TSPAN9: variants seen among roughly 807,000 people sequenced by gnomAD.
TSPAN9 encodes tetraspanin-9.
In TSPAN9, 16 loss-of-function variants were observed where a neutral mutation model predicts 31.0. That is an observed-to-expected ratio of 0.52 (90% confidence interval 0.35 to 0.78). The LOEUF is 0.78. Among genes scored for constraint, TSPAN9 ranks in the 30% least tolerant of loss-of-function variants. The pLI, the probability that TSPAN9 is intolerant of heterozygous loss-of-function variation, is 0.01. For synonymous variants in TSPAN9, 145 were observed against 121.6 expected, an observed-to-expected ratio of 1.19 and a Z score of -1.27; for missense variants, 272 against 312.5, an observed-to-expected ratio of 0.87 and a Z score of 0.98.
At chr12:3,171,990 C>T (rs1174420127) in intron 2 of TSPAN9, 1 of 152,222 alleles carries the variant, frequency 6.6e-6, no homozygotes, top group Non-Finnish European at 1.5e-5. Flanking sequence ...GCTTCATGGT[C>T]CCCACGGTGT....
chr12:3,258,197 T>C (rs1862384348), intron 3 of TSPAN9, among the ~76,000 whole-genome samples: 1 of 152,028 alleles, frequency 6.6e-6, no homozygotes, highest in South Asian at 2.1e-4. Context: ...GGTGCAGGGA[T>C]GGCTTTGACA....
chr12:3,088,529 C>T (rs1271826544), intron 2 of TSPAN9, among the ~76,000 whole-genome samples: 25 of 152,288 alleles, frequency 1.6e-4, no homozygotes, highest in Non-Finnish European at 2.9e-5. Context: ...GCTGGAACAA[C>T]CTGTCTTGGC....
In TSPAN9 at chr12:3,283,658, A is replaced by G. The variant is rs1862948744; in HGVS notation, c.*542A>G. The G allele has an allele frequency of 6.5e-6, 1 of 152,800 alleles. No individual in the cohort carries two copies. The highest frequency in any genetic ancestry group is 6.5e-5 in the Admixed American group (1 of 15,294). 9.5% of individuals were successfully genotyped at this position (152,800 alleles called of 1,614,324 possible). On this transcript the variant is annotated 3_prime_UTR_variant, in exon 9 of 9. Transcript: ENST00000011898. ...TTTTACTCTATGATTATTCAGGAATATTATCTCTCAGATAAGTTTAGGGTT... is the reference window on the plus strand; with the variant it reads ...TTTTACTCTATGATTATTCAGGAATGTTATCTCTCAGATAAGTTTAGGGTT...
chr12:3,231,873 C>T (rs552142196), intron 3 of TSPAN9, among the ~76,000 whole-genome samples: 13 of 152,348 alleles, frequency 8.5e-5, no homozygotes, highest in South Asian at 2.1e-4. Context: ...TTGCTCCTGA[C>T]GCTCTGAGCT....
At position 3,268,661 on chromosome 12, in the gene TSPAN9, C is replaced by CGTTCCTGCAGCCTGCCCTCTCTGT. The variant is rs1565639519; in HGVS notation, c.64-9740_64-9717dup. 4.7e-4 allele frequency among the ~76,000 whole-genome samples: 34 copies of CGTTCCTGCAGCCTGCCCTCTCTGT among 71,614 alleles called. 3 individuals are homozygous for CGTTCCTGCAGCCTGCCCTCTCTGT. Among genetic ancestry groups the CGTTCCTGCAGCCTGCCCTCTCTGT allele is most frequent in the African/African-American group, 6.2e-4 (10 of 16,062 alleles). 47.0% of individuals were successfully genotyped at this position (71,614 alleles called of 152,430 possible). ...GCGTTCCTGCAGCCTGCCCTCCGTGCGTTCCTGCAGCCTGCCCTCTCTGTG... is the reference window on the plus strand; with the variant it reads ...GCGTTCCTGCAGCCTGCCCTCCGTGCGTTCCTGCAGCCTGCCCTCTCTGTGTTCCTGCAGCCTGCCCTCTCTGTG... On this transcript the variant is annotated intron_variant, in intron 3 of 8. Transcript: ENST00000011898.
chr12:3,150,365 T>C (rs1274510475), intron 2 of TSPAN9, among the ~76,000 whole-genome samples: 1 of 152,040 alleles, frequency 6.6e-6, no homozygotes. Flanking sequence ...GGGGCAGGAA[T>C]GGGGAGGGTT....
At chr12:3,239,980 G>A (rs1406252569) in intron 3 of TSPAN9, among the ~76,000 whole-genome samples, 2 of 152,050 alleles carry the variant, frequency 1.3e-5, no homozygotes, top group East Asian at 1.9e-4. Flanking sequence ...GAAGGGCCAG[G>A]TGTAACGAAT....
chr12:3,211,141 C>T (rs1025532185), intron 3 of TSPAN9, among the ~76,000 whole-genome samples: 1 of 151,466 alleles, frequency 6.6e-6, no homozygotes, highest in Non-Finnish European at 1.5e-5. Flanking sequence ...AAGATGAGTT[C>T]CTGGACTGAT....
At chr12:3,177,230 T>C (rs2098356245) in intron 2 of TSPAN9, among the ~76,000 whole-genome samples, 1 of 151,892 alleles carries the variant, frequency 6.6e-6, no homozygotes, top group East Asian at 1.9e-4. Flanking sequence ...CTCCACCTCC[T>C]GGGTTCACAC....
intron 2 of TSPAN9, among the ~76,000 whole-genome samples, chr12:3,158,442 C>T (rs2098343399): frequency 6.6e-6 from 1 of 152,224 alleles, no homozygotes; most frequent in South Asian, 2.1e-4. Context: ...TTGCATAAAG[C>T]ATAGGCTTCC....
chr12:3,247,632 C>T (rs921938035), intron 3 of TSPAN9, among the ~76,000 whole-genome samples: 8 of 152,162 alleles, frequency 5.3e-5, no homozygotes, highest in Non-Finnish European at 4.4e-5. Flanking sequence ...TCTAACTTCA[C>T]GTCCATTGTC....
At chr12:3,095,155 C>G (rs1376566356) in intron 2 of TSPAN9, among the ~76,000 whole-genome samples, 3 of 106,108 alleles carry the variant, frequency 2.8e-5, no homozygotes, top group Admixed American at 2.7e-4. Flanking sequence ...TGAGTGGACA[C>G]AGTACATGTT....
At chr12:3,220,890 C>G (rs1398480917) in intron 3 of TSPAN9, among the ~76,000 whole-genome samples, 1 of 152,164 alleles carries the variant, frequency 6.6e-6, no homozygotes, top group Non-Finnish European at 1.5e-5. Flanking sequence ...AACACATTGG[C>G]CTTTCCCTGT....
chr12:3,221,412 G>A (rs1173308834), intron 3 of TSPAN9, among the ~76,000 whole-genome samples: 1 of 143,186 alleles, frequency 7.0e-6, no homozygotes, highest in East Asian at 2.1e-4. Context: ...AGGCTGGAGT[G>A]CAATGGTGTG....
chr12:3,214,421 G>A (rs866413764), intron 3 of TSPAN9, among the ~76,000 whole-genome samples: 3 of 152,330 alleles, frequency 2.0e-5, no homozygotes, highest in Middle Eastern at 3.4e-3. Flanking sequence ...CATTCCTGGA[G>A]CTCACAGGCC....
At chr12:3,179,034 T>G (rs2098357403) in intron 2 of TSPAN9, among the ~76,000 whole-genome samples, 1 of 152,176 alleles carries the variant, frequency 6.6e-6, no homozygotes, top group South Asian at 2.1e-4. Flanking sequence ...AAGAGGAATG[T>G]GTGATTTGAA....
intron 3 of TSPAN9, among the ~76,000 whole-genome samples, chr12:3,253,916 ACT>A (rs1337980920): frequency 1.3e-5 from 2 of 151,864 alleles, no homozygotes; most frequent in Admixed American, 6.6e-5. Flanking sequence ...AGCCCTGCAG[ACT>A]CTCGTGCAAC....
intron 2 of TSPAN9, among the ~76,000 whole-genome samples, chr12:3,095,809 A>G (rs2098308228): frequency 6.9e-6 from 1 of 143,936 alleles, no homozygotes; most frequent in South Asian, 2.3e-4. Context: ...CTCACTTCCT[A>G]GATGGGATGG....
chr12:3,107,318 G>C lies in TSPAN9; in HGVS notation c.-18+23599G>C, dbSNP rs75388429. On this transcript the variant is annotated intron_variant, in intron 2 of 8. Coordinates refer to ENST00000011898, the MANE Select transcript of TSPAN9 (RefSeq NM_006675.5). The surrounding 1 kb of genome is among the most constrained non-coding windows in gnomAD (Gnocchi z 4.1). ...CGAAATCCAGCGAGTGAAAATCTGC[G>C]TGAAAACCTGAGGTCTGCCAGGCGG... 0.012 allele frequency among the ~76,000 whole-genome samples: 1,773 copies of C among 152,322 alleles called. 25 individuals are homozygous for C. Among genetic ancestry groups the C allele is most frequent in the African/African-American group, 0.04 (1,643 of 41,554 alleles).
Sources: allele counts gnomAD v4.1 joint callset (sites outside exome capture counted in the v4.1 genomes callset), GRCh38; gene constraint gnomAD v4.1.1; non-coding constraint Gnocchi (gnomAD v3.1); transcripts MANE v1.5; gene names NCBI Gene and HGNC (gene_info 2026-07-23, HGNC 2026-07-21).